Variants in PIP5K1C observed in about 807,000 individuals in gnomAD.
PIP5K1C encodes phosphatidylinositol-4-phosphate 5-kinase type 1 gamma.
A neutral mutation model predicts 80.1 loss-of-function variants in PIP5K1C; 45 were observed. That is an observed-to-expected ratio of 0.56 (90% CI 0.44 to 0.72). The LOEUF (loss-of-function observed/expected upper bound fraction) is 0.72, where lower values mean the gene tolerates loss of function less well. PIP5K1C is among the 30% of genes least tolerant of loss of function. The probability of loss-of-function intolerance (pLI) is 0.00; values close to 1 mark genes in which losing one functional copy is unlikely to be tolerated. For synonymous variants in PIP5K1C, 498 were observed against 420.1 expected, an observed-to-expected ratio of 1.19 and a Z score of -2.27; for missense variants, 753 against 954.6, an observed-to-expected ratio of 0.79 and a Z score of 2.78.
intron 1 of PIP5K1C, among the ~76,000 whole-genome samples, chr19:3,685,603 G>C (rs1010012589): frequency 6.6e-6 from 1 of 151,734 alleles, no homozygotes. Flanking sequence ...GGTGGCGGGC[G>C]CCTGTAGTCC....
At chr19:3,676,388 C>A (rs894766135) in intron 1 of PIP5K1C, among the ~76,000 whole-genome samples, 23 of 152,380 alleles carry the variant, frequency 1.5e-4, no homozygotes, top group Admixed American at 3.9e-4. Flanking sequence ...CCCGCCCGGG[C>A]TTGGTTCTGA....
chr19:3,674,728 CTT>C (rs1447321276), intron 1 of PIP5K1C, among the ~76,000 whole-genome samples: 1 of 152,244 alleles, frequency 6.6e-6, no homozygotes, highest in Non-Finnish European at 1.5e-5. Flanking sequence ...GTCTCAATCT[CTT>C]GACCTCGTGA....
rs368575081 is a variant in PIP5K1C, at chr19:3,673,009, G to A, written c.95-5656C>T. Among the ~76,000 whole-genome samples the A allele has an allele frequency of 7.3e-5, 11 of 151,334 alleles. 1 individual carries two copies. Among genetic ancestry groups the A allele is most frequent in the African/African-American group, 2.2e-4 (9 of 41,288 alleles). ...GCCCACGGCAGGGGAGGGATTCTGCGAAAGGGGGCCCACCCACCCCGCCCC... is the reference window on the plus strand; with the variant it reads ...GCCCACGGCAGGGGAGGGATTCTGCAAAAGGGGGCCCACCCACCCCGCCCC... On this transcript the variant is annotated intron_variant, in intron 1 of 17. Transcript: ENST00000335312.
At chr19:3,664,432 T>C (rs1179501139) in intron 3 of PIP5K1C, among the ~76,000 whole-genome samples, 1 of 151,980 alleles carries the variant, frequency 6.6e-6, no homozygotes, top group Non-Finnish European at 1.5e-5. Flanking sequence ...AGAGTGGGGG[T>C]CAGGCTTCCT....
At chr19:3,633,975 C>T (rs1437882587) in intron 16 of PIP5K1C, among the ~76,000 whole-genome samples, 1 of 152,174 alleles carries the variant, frequency 6.6e-6, no homozygotes, top group Non-Finnish European at 1.5e-5. Flanking sequence ...GCCGGACCTA[C>T]TTCCCAACCC....
intron 15 of PIP5K1C, among the ~76,000 whole-genome samples, chr19:3,640,648 C>T (rs2033921596): frequency 6.6e-6 from 1 of 151,898 alleles, no homozygotes; most frequent in Non-Finnish European, 1.5e-5. Flanking sequence ...TAAAATTAAT[C>T]CCAGTACTTT....
intron 4 of PIP5K1C, 113 bp from the exon 5 acceptor site, chr19:3,661,196 C>A: frequency 1.4e-6 from 1 of 694,576 alleles, no homozygotes. Context: ...GGCTCAGCTC[C>A]AAGACTTCCT....
intron 13 of PIP5K1C, 110 bp downstream of exon 13, chr19:3,643,121 TCCACCGTACATA>T: frequency 6.8e-7 from 1 of 1,479,536 alleles, no homozygotes; most frequent in Non-Finnish European, 9.3e-7. Flanking sequence ...TGTATGTACA[TCCACCGTACATA>T]CGATGCTCCA....
intron 1 of PIP5K1C, among the ~76,000 whole-genome samples, chr19:3,694,217 A>G (rs2036033902): frequency 6.6e-6 from 1 of 151,886 alleles, no homozygotes; most frequent in African/African-American, 2.4e-5. Context: ...ATCTCAAAAA[A>G]AAAAAAAAAA....
Position 3,672,389 on chromosome 19 carries a change from C to A in PIP5K1C, c.95-5036G>T, listed in dbSNP as rs189597304. ...CTGCAGACCAGCCTGGTCCCTCCTG[C>A]TGAGCCTGGGGGCTCCCTCAGGACG... On this transcript the variant is annotated intron_variant, in intron 1 of 17. Coordinates refer to ENST00000335312, the MANE Select transcript of PIP5K1C (RefSeq NM_012398.3). Among the ~76,000 whole-genome samples the A allele has an allele frequency of 2.6e-5, 4 of 152,370 alleles. No individual in the cohort carries two copies. In the East Asian group the frequency reaches 5.8e-4, roughly 22 times the overall value.
intron 1 of PIP5K1C, among the ~76,000 whole-genome samples, chr19:3,682,942 C>G (rs79286204): frequency 6.9e-6 from 1 of 145,948 alleles, no homozygotes; most frequent in Non-Finnish European, 1.5e-5. Flanking sequence ...CCCCTCCTCC[C>G]CCTCCCCTCC....
intron 15 of PIP5K1C, 44 bp downstream of exon 15, chr19:3,641,661 C>T (rs758385762): frequency 7.4e-6 from 11 of 1,477,580 alleles, no homozygotes; most frequent in South Asian, 1.1e-5. Flanking sequence ...CCTCTGGGCC[C>T]GCAGCAGGTG....
chr19:3,699,596 T>A (rs1042224140), intron 1 of PIP5K1C, among the ~76,000 whole-genome samples: 2 of 152,174 alleles, frequency 1.3e-5, no homozygotes, highest in African/African-American at 4.8e-5. Flanking sequence ...GAGAAGGAAC[T>A]GTTCCCTTCC....
rs1343763810 is a variant in PIP5K1C at position 3,633,063 on chromosome 19, G to GGCGGGCATCTCCCGAGCT, written c.*86_*103dup. 4 of 687,538 alleles carry GGCGGGCATCTCCCGAGCT rather than the reference G, an allele frequency of 5.8e-6. No individual in the cohort carries two copies. The highest frequency in any genetic ancestry group is 1.1e-5 in the Non-Finnish European group (4 of 369,132). The allele number at this position is 687,538 out of a possible 1,614,324, so 42.6% of individuals were successfully genotyped here. On this transcript the variant is annotated 3_prime_UTR_variant, in exon 18 of 18. Coordinates refer to ENST00000335312, the MANE Select transcript of PIP5K1C (RefSeq NM_012398.3). ...AGGACGAGGTCCGGTGGGGCGGCGA[G>GGCGGGCATCTCCCGAGCT]GCGGGCATCTCCCGAGCTCTGGGCC...
intron 1 of PIP5K1C, among the ~76,000 whole-genome samples, chr19:3,678,677 G>GTGAACAC: frequency 7.6e-6 from 1 of 131,246 alleles, no homozygotes; most frequent in Non-Finnish European, 1.6e-5. Context: ...GAGGGATGGC[G>GTGAACAC]AGATGGAGGG....
rs1187599686 is a variant in PIP5K1C at position 3,638,795 on chromosome 19, G to A, written c.1920+89C>T. The A allele has an allele frequency of 7.8e-6, 12 of 1,536,102 alleles. No homozygotes were observed. In the Admixed American group the frequency reaches 1.5e-4, roughly 19 times the overall value. On this transcript the variant is annotated intron_variant, in intron 16 of 17. Coordinates refer to ENST00000335312, the MANE Select transcript of PIP5K1C (RefSeq NM_012398.3). ...GGCACACTCACGTGCCTGTGTGCAGGTGTGTGTATGCGGTGTGCACACGGT... is the reference window on the plus strand; with the variant it reads ...GGCACACTCACGTGCCTGTGTGCAGATGTGTGTATGCGGTGTGCACACGGT...
chr19:3,653,522 C>T lies in PIP5K1C; in HGVS notation c.689G>A (p.Gly230Asp). The T allele has an allele frequency of 1.9e-6, 3 of 1,613,762 alleles. No homozygotes were observed. Among genetic ancestry groups the T allele is most frequent in the Non-Finnish European group, 2.5e-6 (3 of 1,179,952 alleles). ...FYGLYCVQSG[G>D]KNIRVVVMNN... ...CATGACCACGACGCGGATGTTCTTG[C>T]CCCCCGACTGCACGCAGTACAGCCC... The change falls in exon 7 of 18, where the codon GGC becomes GAC. Residue 230 changes from glycine to aspartate, a missense_variant. Around this residue, in one of 6 missense-constraint regions of PIP5K1C, gnomAD observed 139 missense variants for 289.7 expected, o/e 0.48. Coordinates refer to ENST00000335312, the MANE Select transcript of PIP5K1C (RefSeq NM_012398.3).
chr19:3,645,959 G>A lies in PIP5K1C; in HGVS notation c.1345+15C>T. On this transcript the variant is annotated intron_variant, in intron 11 of 17. Coordinates refer to ENST00000335312, the MANE Select transcript of PIP5K1C (RefSeq NM_012398.3). The stretch of plus-strand genomic sequence containing the variant: ...CCCAGGGTCCCTCCCGCCTTGCGGG[G>A]CTCAGGTGGCTTACAGGAGTTCTTC... The A allele has an allele frequency of 6.2e-7, 1 of 1,605,688 alleles. No homozygotes were observed.
intron 8 of PIP5K1C, among the ~76,000 whole-genome samples, chr19:3,651,282 C>T (rs1056430005): frequency 1.2e-4 from 18 of 152,140 alleles, no homozygotes; most frequent in African/African-American, 4.3e-4. Flanking sequence ...TACTGAACTC[C>T]GGGGCTGAGG....
Sources: allele counts gnomAD v4.1 joint callset (sites outside exome capture counted in the v4.1 genomes callset), GRCh38; gene constraint gnomAD v4.1.1; regional missense constraint gnomAD v4.1.1; transcripts MANE v1.5; gene names NCBI Gene and HGNC (gene_info 2026-07-23, HGNC 2026-07-21).